DPYD: variants seen among roughly 807,000 people sequenced by gnomAD.
DPYD encodes the protein dihydropyrimidine dehydrogenase [NADP(+)].
DPYD carries 109 observed loss-of-function variants against 116.2 expected under a neutral mutation model. That is an observed-to-expected ratio of 0.94 (90% confidence interval 0.80 to 1.10). DPYD has a LOEUF of 1.10. Among genes scored for constraint, DPYD ranks in the 50% least tolerant of loss-of-function variants. The pLI, the probability that DPYD is intolerant of heterozygous loss-of-function variation, is 0.00. For missense variants in DPYD, 1,302 were observed against 1,254.5 expected, an observed-to-expected ratio of 1.04 and a Z score of -0.57; for synonymous variants, 440 against 432.0, an observed-to-expected ratio of 1.02 and a Z score of -0.23.
intron 13 of DPYD, among the ~76,000 whole-genome samples, chr1:97,488,661 C>T (rs1432013446): frequency 2.0e-5 from 3 of 152,136 alleles, no homozygotes; most frequent in Non-Finnish European, 4.4e-5. Context: ...TGAGACCTAG[C>T]TAAAACAGGG....
chr1:97,080,400 T>C (rs1374676415), intron 22 of DPYD, among the ~76,000 whole-genome samples: 1 of 152,032 alleles, frequency 6.6e-6, no homozygotes, highest in Non-Finnish European at 1.5e-5. Flanking sequence ...AATTCCCCCC[T>C]CCAAATGAAG....
rs535282624 is a variant in DPYD at position 97,360,112 on chromosome 1, C to T, written c.2058+13449G>A. Among the ~76,000 whole-genome samples the T allele has an allele frequency of 4.8e-4, 73 of 151,818 alleles. No individual in the cohort carries two copies. The South Asian group carries it at 0.014, about 30-fold the overall frequency. ...TCAAAATAAAGGGATGGAGGAAGAT[C>T]TACCAAGCAAATGGAAAGCAAAAAA... On this transcript the variant is annotated intron_variant, in intron 16 of 22. Coordinates refer to ENST00000370192, the MANE Select transcript of DPYD (RefSeq NM_000110.4).
intron 20 of DPYD, among the ~76,000 whole-genome samples, chr1:97,138,008 C>T (rs150005765): frequency 9.2e-5 from 14 of 152,278 alleles, no homozygotes; most frequent in African/African-American, 2.2e-4. Context: ...TAATCCAAGA[C>T]GTTAGCAAAC....
intron 14 of DPYD, among the ~76,000 whole-genome samples, chr1:97,444,345 G>C (rs1675957663): frequency 1.3e-5 from 2 of 152,094 alleles, no homozygotes; most frequent in African/African-American, 4.8e-5. Context: ...TGTTACCCAA[G>C]ACAGTCAATG....
chr1:97,808,954 T>C (rs1007379654), intron 3 of DPYD, among the ~76,000 whole-genome samples: 8 of 152,248 alleles, frequency 5.3e-5, no homozygotes, highest in Admixed American at 2.6e-4. Context: ...TTCTGACCTA[T>C]GGTTATTTTG....
intron 20 of DPYD, among the ~76,000 whole-genome samples, chr1:97,131,757 G>A (rs1184519226): frequency 6.6e-6 from 1 of 152,102 alleles, no homozygotes; most frequent in Middle Eastern, 3.2e-3. Context: ...AGAATGAAGA[G>A]TGCAATACGC....
intron 5 of DPYD, among the ~76,000 whole-genome samples, chr1:97,709,142 T>A (rs906527083): frequency 9.9e-5 from 15 of 151,864 alleles, no homozygotes; most frequent in Non-Finnish European, 1.5e-4. Context: ...ATAAATTGCA[T>A]TTGTATTCTT....
At chr1:97,448,391 TA>T (rs1283576836) in intron 14 of DPYD, among the ~76,000 whole-genome samples, 3 of 151,410 alleles carry the variant, frequency 2.0e-5, no homozygotes, top group African/African-American at 7.4e-5. Flanking sequence ...CCTCATCAGT[TA>T]AATAGAGAAA....
intron 8 of DPYD, among the ~76,000 whole-genome samples, chr1:97,651,147 T>C (rs1658557719): frequency 6.6e-6 from 1 of 152,174 alleles, no homozygotes; most frequent in Non-Finnish European, 1.5e-5. Flanking sequence ...TTAATAGTTG[T>C]ATATGATACA....
At chr1:97,494,928 G>A (rs897717533) in intron 13 of DPYD, among the ~76,000 whole-genome samples, 3 of 152,092 alleles carry the variant, frequency 2.0e-5, no homozygotes, top group African/African-American at 7.2e-5. Context: ...ACAAGTGCTG[G>A]GGCAGAAAAG....
At chr1:97,122,168 G>C (rs374584203) in intron 20 of DPYD, among the ~76,000 whole-genome samples, 81 of 152,268 alleles carry the variant, frequency 5.3e-4, no homozygotes, top group African/African-American at 1.8e-3. Flanking sequence ...CTTTGTAGAT[G>C]TTTGCTGGAG....
chr1:97,459,861 CAAA>C (rs533284532), intron 13 of DPYD, among the ~76,000 whole-genome samples: 43 of 151,372 alleles, frequency 2.8e-4, no homozygotes, highest in Non-Finnish European at 5.8e-4. Context: ...TTATATGAGG[CAAA>C]AAAATAAACA....
At chr1:97,464,273 T>G (rs1012021188) in intron 13 of DPYD, among the ~76,000 whole-genome samples, 2 of 120,906 alleles carry the variant, frequency 1.7e-5, no homozygotes, top group Admixed American at 8.0e-5. Context: ...TAAAATAAAA[T>G]AAAATAAAAT....
chr1:97,364,706 A>G (rs1205749443), intron 16 of DPYD, among the ~76,000 whole-genome samples: 2 of 152,240 alleles, frequency 1.3e-5, no homozygotes, highest in African/African-American at 4.8e-5. Flanking sequence ...ATTATCAATA[A>G]GCACCACCTC....
chr1:97,908,090 A>G (rs977083114), intron 1 of DPYD, among the ~76,000 whole-genome samples: 7 of 151,892 alleles, frequency 4.6e-5, no homozygotes, highest in African/African-American at 1.7e-4. Flanking sequence ...CTGTTGCCCA[A>G]GCTGGAGTGC....
intron 3 of DPYD, among the ~76,000 whole-genome samples, chr1:97,787,462 T>C (rs1023957164): frequency 1.4e-4 from 21 of 152,328 alleles, no homozygotes; most frequent in African/African-American, 4.8e-4. Context: ...GTTCCCCTGC[T>C]AGTCTGTAAT....
chr1:97,364,174 T>C (rs1361302838), intron 16 of DPYD, among the ~76,000 whole-genome samples: 1 of 152,214 alleles, frequency 6.6e-6, no homozygotes, highest in African/African-American at 2.4e-5. Context: ...TGCCATGTTG[T>C]TTACAGTTTT....
At chr1:97,682,572 G>A (rs1660485097) in intron 7 of DPYD, among the ~76,000 whole-genome samples, 1 of 152,070 alleles carries the variant, frequency 6.6e-6, no homozygotes, top group Admixed American at 6.6e-5. Context: ...TATGCTTTGG[G>A]AAATTGAAAT....
intron 11 of DPYD, among the ~76,000 whole-genome samples, chr1:97,566,695 C>A (rs780376982): frequency 6.6e-6 from 1 of 151,990 alleles, no homozygotes; most frequent in Non-Finnish European, 1.5e-5. Flanking sequence ...CAATTTTTCC[C>A]CCTTCCCCTT....
Sources: gnomAD v4.1 joint callset for allele counts (sites outside exome capture counted in the v4.1 genomes callset) on GRCh38, gnomAD v4.1.1 for gene constraint, MANE v1.5 for transcripts, NCBI Gene and HGNC (gene_info 2026-07-23, HGNC 2026-07-21) for gene names.